Variants in TAFA2 observed in about 807,000 individuals in gnomAD.
TAFA2 encodes chemokine-like protein TAFA-2.
A neutral mutation model predicts 18.8 loss-of-function variants in TAFA2; 7 were observed. The observed-to-expected ratio is 0.37, with a 90% CI of 0.21 to 0.70. The LOEUF is 0.70. Ranked by LOEUF, TAFA2 falls within the 30% of genes least tolerant of loss-of-function variation. The probability of loss-of-function intolerance (pLI) is 0.53; values close to 1 mark genes in which losing one functional copy is unlikely to be tolerated. For missense variants in TAFA2, 122 were observed against 158.1 expected (o/e 0.77, Z 1.23); for synonymous variants, 60 against 54.2 (o/e 1.11, Z -0.47).
At chr12:61,865,046 A>C (rs989105095) in intron 2 of TAFA2, among the ~76,000 whole-genome samples, 58 of 152,310 alleles carry the variant, frequency 3.8e-4, no homozygotes, top group Admixed American at 3.3e-3. Flanking sequence ...TCCATAGATG[A>C]CTGACAGTGA....
intron 1 of TAFA2, among the ~76,000 whole-genome samples, chr12:61,892,441 C>T (rs1367347065): frequency 1.3e-5 from 2 of 152,098 alleles, no homozygotes; most frequent in Non-Finnish European, 2.9e-5. Context: ...GCAGGGGTGC[C>T]AGCTAAAATA....
intron 1 of TAFA2, among the ~76,000 whole-genome samples, chr12:62,085,441 TC>T (rs1168025959): frequency 6.6e-6 from 1 of 152,192 alleles, no homozygotes; most frequent in African/African-American, 2.4e-5. Flanking sequence ...AAGAAAATTG[TC>T]CTGGAGGTAA....
chr12:61,957,461 T>G (rs1878736112), intron 1 of TAFA2, among the ~76,000 whole-genome samples: 1 of 152,058 alleles, frequency 6.6e-6, no homozygotes, highest in African/African-American at 2.4e-5. Context: ...GGTAAAGGGA[T>G]TCTTCTGAAG....
intron 1 of TAFA2, among the ~76,000 whole-genome samples, chr12:62,043,980 T>C (rs1384219105): frequency 6.6e-6 from 1 of 152,106 alleles, no homozygotes; most frequent in Non-Finnish European, 1.5e-5. Flanking sequence ...AAAGCAAATA[T>C]AATCCCCTTC....
chr12:61,983,712 C>T (rs189306791), intron 1 of TAFA2, among the ~76,000 whole-genome samples: 143 of 152,222 alleles, frequency 9.4e-4, no homozygotes, highest in African/African-American at 2.4e-3. Context: ...CATTCCAGAA[C>T]CCCAGCACTT....
intron 1 of TAFA2, among the ~76,000 whole-genome samples, chr12:61,960,061 A>G (rs934180598): frequency 3.3e-5 from 5 of 152,098 alleles, no homozygotes; most frequent in Admixed American, 2.6e-4. Flanking sequence ...TTTATCAAAG[A>G]ATAGCATGGC....
intron 2 of TAFA2, among the ~76,000 whole-genome samples, chr12:61,762,903 C>T (rs1185376883): frequency 6.6e-6 from 1 of 151,940 alleles, no homozygotes; most frequent in Admixed American, 6.6e-5. Context: ...TATATTGTAC[C>T]TTCTAAGCAG....
chr12:61,852,098 T>C (rs1290928124), intron 2 of TAFA2, among the ~76,000 whole-genome samples: 1 of 150,854 alleles, frequency 6.6e-6, no homozygotes, highest in Non-Finnish European at 1.5e-5. Context: ...TCCCAGCTAC[T>C]CAAGAGGCTG....
chr12:61,941,809 C>T (rs1466716019), intron 1 of TAFA2, among the ~76,000 whole-genome samples: 15 of 152,250 alleles, frequency 9.9e-5, no homozygotes, highest in Admixed American at 5.9e-4. Context: ...CCTATGCCCA[C>T]GGAATCTCGC....
In TAFA2 at chr12:62,248,889, AAAC is replaced by A. The variant is rs1447729671; in HGVS notation, c.-130+9871_-130+9873del. On this transcript the variant is annotated intron_variant, in intron 1 of 5. Transcript: ENST00000551619. ...GCAAAACTGACACTCTGTACCCATT[AAAC>A]AACAACTACCCATTGCTCCCTTCCC... Among the ~76,000 whole-genome samples, 8 of 152,224 alleles carry A rather than the reference AAAC, an allele frequency of 5.3e-5. No homozygotes were observed. In the East Asian group the frequency reaches 7.7e-4, roughly 15 times the overall value.
chr12:61,773,038 C>T (rs1295939151), intron 2 of TAFA2, among the ~76,000 whole-genome samples: 1 of 151,920 alleles, frequency 6.6e-6, no homozygotes, highest in Admixed American at 6.6e-5. Context: ...GTACACAAAT[C>T]AGTAGCACTG....
intron 1 of TAFA2, among the ~76,000 whole-genome samples, chr12:62,102,210 A>C (rs1869239485): frequency 6.6e-6 from 1 of 152,122 alleles, no homozygotes; most frequent in African/African-American, 2.4e-5. Context: ...ATCAGGGGAG[A>C]TTCACTAGAA....
intron 1 of TAFA2, among the ~76,000 whole-genome samples, chr12:62,081,549 A>G (rs1184573202): frequency 6.6e-6 from 1 of 151,762 alleles, no homozygotes; most frequent in Admixed American, 6.6e-5. Flanking sequence ...CGGTGGTGCA[A>G]TCTCGACTCA....
intron 4 of TAFA2, among the ~76,000 whole-genome samples, chr12:61,715,634 G>A (rs1482956256): frequency 6.6e-6 from 1 of 151,758 alleles, no homozygotes; most frequent in East Asian, 1.9e-4. Context: ...TTACAGGCAT[G>A]AGCCACCGCG....
chr12:62,256,739 T>C (rs557565986), intron 1 of TAFA2, among the ~76,000 whole-genome samples: 91 of 152,326 alleles, frequency 6.0e-4, no homozygotes, highest in Non-Finnish European at 1.2e-3. Flanking sequence ...GTAATTTTTT[T>C]TAGCTTTCAA....
chr12:62,078,321 TA>T (rs1398822318), intron 1 of TAFA2, among the ~76,000 whole-genome samples: 1 of 150,988 alleles, frequency 6.6e-6, no homozygotes, highest in Non-Finnish European at 1.5e-5. Flanking sequence ...GTATTCCTGA[TA>T]AGAAACTGAC....
At chr12:61,964,879 C>A (rs1432679187) in intron 1 of TAFA2, among the ~76,000 whole-genome samples, 1 of 151,806 alleles carries the variant, frequency 6.6e-6, no homozygotes, top group Non-Finnish European at 1.5e-5. Flanking sequence ...CCCCCAATAA[C>A]TTTTTTTAAT....
At chr12:62,129,891 G>A (rs1196507031) in intron 1 of TAFA2, among the ~76,000 whole-genome samples, 2 of 151,956 alleles carry the variant, frequency 1.3e-5, no homozygotes, top group African/African-American at 2.4e-5. Flanking sequence ...GTTATAATGT[G>A]TGGCAACTCT....
rs144010764 is a variant in TAFA2, at chr12:62,224,082, T to TACACACAC, written c.-130+34673_-130+34680dup. 6.5e-3 allele frequency among the ~76,000 whole-genome samples: 926 copies of TACACACAC among 142,554 alleles called. 9 individuals are homozygous for TACACACAC. Among genetic ancestry groups the TACACACAC allele is most frequent in the African/African-American group, 0.021 (838 of 39,316 alleles). 93.5% of individuals were successfully genotyped at this position (142,554 alleles called of 152,430 possible). A position where few individuals can be genotyped will look rare whatever the true frequency, so the allele number is the denominator to read the frequency against. On this transcript the variant is annotated intron_variant, in intron 1 of 5. Transcript: ENST00000551619. ...AAACAAAATGTGTTTTATATGTGCA[T>TACACACAC]ACACACACACACACACACACACACA...
Sources: gnomAD v4.1 joint callset for allele counts (sites outside exome capture counted in the v4.1 genomes callset) on GRCh38, gnomAD v4.1.1 for gene constraint, MANE v1.5 for transcripts, NCBI Gene and HGNC (gene_info 2026-07-23, HGNC 2026-07-21) for gene names.